The following ANKRD31 variants were observed in gnomAD, a reference collection of about 807,000 sequenced individuals.
ANKRD31 encodes ankyrin repeat domain 31, also known as ankyrin repeat domain-containing protein 31.
Under a neutral mutation model 186.0 loss-of-function variants are expected in ANKRD31, and 147 were observed. That is an observed-to-expected ratio of 0.79 (90% CI 0.69 to 0.91). The LOEUF is 0.91. Among genes scored for constraint, ANKRD31 ranks in the 40% least tolerant of loss-of-function variants. The pLI, the probability that ANKRD31 is intolerant of heterozygous loss-of-function variation, is 0.00. For missense variants in ANKRD31, 1,986 were observed against 2,148.8 expected, an observed-to-expected ratio of 0.92 and a Z score of 1.50; for synonymous variants, 673 against 736.4, an observed-to-expected ratio of 0.91 and a Z score of 1.39.
intron 17 of ANKRD31, among the ~76,000 whole-genome samples, chr5:75,132,172 G>A (rs777247673): frequency 2.0e-5 from 3 of 152,212 alleles, no homozygotes; most frequent in Non-Finnish European, 2.9e-5. Context: ...TGACTTTGAC[G>A]AGTTGAGGGA....
At position 75,203,916 on chromosome 5, in the gene ANKRD31, G is replaced by A. The variant is rs552574760; in HGVS notation, c.403+2495C>T. On this transcript the variant is annotated intron_variant, in intron 5 of 25. Coordinates refer to ENST00000506364, the MANE Select transcript of ANKRD31 (RefSeq NM_001372053.1). The stretch of plus-strand genomic sequence containing the variant: ...GGTTTTTACTAAATTTGGAGATCAC[G>A]TTTTGCATAGTCTGAATTATATTAG... Among the ~76,000 whole-genome samples, 16 of 152,094 alleles carry A rather than the reference G, an allele frequency of 1.1e-4. No individual in the cohort carries two copies. The East Asian group carries it at 2.1e-3, about 20-fold the overall frequency.
chr5:75,099,470 C>A (rs976301852), intron 22 of ANKRD31, among the ~76,000 whole-genome samples: 3 of 152,166 alleles, frequency 2.0e-5, no homozygotes, highest in Non-Finnish European at 2.9e-5. Context: ...AGGATTCTCT[C>A]TTTTTCTATT....
chr5:75,154,198 T>G lies in ANKRD31; in HGVS notation c.1852+3A>C, dbSNP rs1181211628. ...TAGCTATTACAGGGCAGTTTAATCT[T>G]ACCTGATGTAAGGCATTTTTGATGT... On this transcript the variant is annotated splice_donor_region_variant and intron_variant, in intron 12 of 25. Coordinates refer to ENST00000506364, the MANE Select transcript of ANKRD31 (RefSeq NM_001372053.1). The G allele has an allele frequency of 2.6e-5, 39 of 1,513,462 alleles. No individual in the cohort carries two copies. Among genetic ancestry groups the G allele is most frequent in the Non-Finnish European group, 3.4e-5 (39 of 1,135,126 alleles). 93.8% of individuals were successfully genotyped at this position (1,513,462 alleles called of 1,614,324 possible).
At chr5:75,185,449 T>G (rs1754638622) in intron 10 of ANKRD31, among the ~76,000 whole-genome samples, 1 of 152,192 alleles carries the variant, frequency 6.6e-6, no homozygotes, top group Admixed American at 6.5e-5. Context: ...TCCCAGCTAC[T>G]CAGGTGGCTG....
intron 19 of ANKRD31, 49 bp downstream of exon 19, chr5:75,116,517 G>C (rs1325261591): frequency 8.3e-7 from 1 of 1,203,726 alleles, no homozygotes; most frequent in Non-Finnish European, 1.1e-6. Context: ...CTGGCTCAAA[G>C]AATGGCATTT....
chr5:75,078,392 G>A (rs1020702160), intron 25 of ANKRD31, among the ~76,000 whole-genome samples: 58 of 152,200 alleles, frequency 3.8e-4, no homozygotes, highest in African/African-American at 8.7e-4. Context: ...CAGTAGGACC[G>A]TTTTATCTAA....
chr5:75,138,039 G>A lies in ANKRD31; in HGVS notation c.3734-41C>T, dbSNP rs192401868. The A allele has an allele frequency of 2.1e-4, 301 of 1,406,832 alleles. 1 individual carries two copies. In the African/African-American group the frequency reaches 4.0e-3, roughly 18 times the overall value. 87.1% of individuals were successfully genotyped at this position (1,406,832 alleles called of 1,614,324 possible). A position where few individuals can be genotyped will look rare whatever the true frequency, so the allele number is the denominator to read the frequency against. On this transcript the variant is annotated intron_variant, in intron 16 of 25. Transcript: ENST00000506364. ...GAAAAAAAAAAACCCTGCTTCATGC[G>A]AATCAATACTCATGTAATATCTGTA...
At chr5:75,099,752 G>A (rs1254094396) in intron 22 of ANKRD31, among the ~76,000 whole-genome samples, 1 of 152,118 alleles carries the variant, frequency 6.6e-6, no homozygotes, top group African/African-American at 2.4e-5. Flanking sequence ...ATGGTAGTTT[G>A]TATATCTGTG....
chr5:75,173,159 C>T (rs1580479416), intron 10 of ANKRD31, among the ~76,000 whole-genome samples: 1 of 152,178 alleles, frequency 6.6e-6, no homozygotes, highest in African/African-American at 2.4e-5. Flanking sequence ...TCAATAGATG[C>T]AGAAAAGGCC....
intron 9 of ANKRD31, among the ~76,000 whole-genome samples, chr5:75,189,017 T>C (rs1418927918): frequency 6.6e-6 from 1 of 152,098 alleles, no homozygotes; most frequent in East Asian, 1.9e-4. Context: ...GAATAATATA[T>C]TATCAAATTT....
At chr5:75,187,487 T>C (rs1754818341) in intron 10 of ANKRD31, among the ~76,000 whole-genome samples, 1 of 149,786 alleles carries the variant, frequency 6.7e-6, no homozygotes, top group Non-Finnish European at 1.5e-5. Flanking sequence ...CAAAGAAACA[T>C]GTTAAGAGAG....
At chr5:75,114,990 C>A (rs1487185355) in intron 19 of ANKRD31, among the ~76,000 whole-genome samples, 1 of 152,168 alleles carries the variant, frequency 6.6e-6, no homozygotes, top group Non-Finnish European at 1.5e-5. Flanking sequence ...AGGCATCACA[C>A]TACCTGACTT....
chr5:75,231,079 T>C (rs1290262527), intron 1 of ANKRD31, among the ~76,000 whole-genome samples: 2 of 151,966 alleles, frequency 1.3e-5, no homozygotes, highest in Non-Finnish European at 2.9e-5. Flanking sequence ...AATTCCTTTA[T>C]TTATTTATTT....
chr5:75,175,641 C>A (rs2150203978), intron 10 of ANKRD31, among the ~76,000 whole-genome samples: 1 of 70,202 alleles, frequency 1.4e-5, no homozygotes, highest in South Asian at 6.4e-4. Flanking sequence ...AATGTTACCT[C>A]AGAAAACACA....
intron 6 of ANKRD31, among the ~76,000 whole-genome samples, chr5:75,198,999 A>C (rs1755644695): frequency 6.6e-6 from 1 of 152,168 alleles, no homozygotes; most frequent in Non-Finnish European, 1.5e-5. Flanking sequence ...AGTAAGCTAC[A>C]GGGACAACCT....
chr5:75,096,892 T>C (rs1746373628), intron 22 of ANKRD31, among the ~76,000 whole-genome samples: 1 of 142,026 alleles, frequency 7.0e-6, no homozygotes, highest in Non-Finnish European at 1.5e-5. Flanking sequence ...TTCCCACCTA[T>C]GAGTGAGAAC....
intron 11 of ANKRD31, among the ~76,000 whole-genome samples, chr5:75,157,934 CAG>C (rs1752303007): frequency 6.6e-6 from 1 of 152,114 alleles, no homozygotes; most frequent in African/African-American, 2.4e-5. Context: ...ACACCAAGAA[CAG>C]AGAGTTAGCA....
chr5:75,174,291 G>C (rs1753591927), intron 10 of ANKRD31, among the ~76,000 whole-genome samples: 2 of 152,100 alleles, frequency 1.3e-5, no homozygotes, highest in African/African-American at 4.8e-5. Context: ...AGAAAACCTA[G>C]GCAATACCAT....
In ANKRD31 at chr5:75,188,672, GA is replaced by G. The variant is rs1561519626; in HGVS notation, c.1409-25del. 3 of 1,497,828 alleles carry G rather than the reference GA, an allele frequency of 2.0e-6. No individual in the cohort carries two copies. In the East Asian group the frequency reaches 7.4e-5, roughly 37 times the overall value. 92.8% of individuals were successfully genotyped at this position (1,497,828 alleles called of 1,614,324 possible). On this transcript the variant is annotated intron_variant, in intron 9 of 25. Transcript: ENST00000506364. The stretch of plus-strand genomic sequence containing the variant: ...TTCTGAAATGAGGGAATGAACAAAA[GA>G]AAAAAATCATTATTTGAATATCAGA...
Sources: allele counts gnomAD v4.1 joint callset (sites outside exome capture counted in the v4.1 genomes callset), GRCh38; gene constraint gnomAD v4.1.1; transcripts MANE v1.5; gene names NCBI Gene and HGNC (gene_info 2026-07-23, HGNC 2026-07-21).